SGCD: variants seen among roughly 807,000 people sequenced by gnomAD.
SGCD encodes the protein delta-sarcoglycan.
Under a neutral mutation model 36.6 loss-of-function variants are expected in SGCD, and 18 were observed. The observed-to-expected ratio is 0.49, with a 90% CI of 0.34 to 0.73. The LOEUF is 0.73. SGCD is among the 30% of genes least tolerant of loss of function. The probability of loss-of-function intolerance (pLI) is 0.01; values close to 1 mark genes in which losing one functional copy is unlikely to be tolerated. For synonymous variants in SGCD, 133 were observed against 130.6 expected (o/e 1.02, Z -0.12); for missense variants, 387 against 346.7 (o/e 1.12, Z -0.92).
intron 1 of SGCD, among the ~76,000 whole-genome samples, chr5:156,026,133 T>C (rs951274255): frequency 1.3e-5 from 2 of 152,226 alleles, no homozygotes; most frequent in Admixed American, 6.5e-5. Context: ...CTCAGGAAGA[T>C]AGAAATATGC....
intron 7 of SGCD, among the ~76,000 whole-genome samples, chr5:156,745,728 AT>A (rs1290812058): frequency 2.0e-5 from 3 of 152,204 alleles, no homozygotes; most frequent in South Asian, 2.1e-4. Context: ...ACATATAAAA[AT>A]AACACATTAG....
chr5:156,315,777 T>G (rs1002948119), intron 3 of SGCD, among the ~76,000 whole-genome samples: 1 of 151,990 alleles, frequency 6.6e-6, no homozygotes, highest in African/African-American at 2.4e-5. Context: ...GATAACTCAT[T>G]GTGCTTTTGG....
intron 1 of SGCD, among the ~76,000 whole-genome samples, chr5:155,877,266 G>A (rs1314291325): frequency 6.6e-6 from 1 of 152,070 alleles, no homozygotes; most frequent in African/African-American, 2.4e-5. Context: ...TAAGATGACG[G>A]TTTAGACTGA....
At chr5:156,734,678 T>C (rs11954233) in intron 7 of SGCD, among the ~76,000 whole-genome samples, 16,092 of 152,220 alleles carry the variant, frequency 0.11, 1,629 homozygotes, top group African/African-American at 0.27. Context: ...TATTGCATTA[T>C]AAAATTCTTG....
At chr5:156,266,919 C>T (rs13170433) in intron 3 of SGCD, among the ~76,000 whole-genome samples, 24,138 of 151,836 alleles carry the variant, frequency 0.16, 2,095 homozygotes, top group Admixed American at 0.21. Context: ...GGTCTCCGGA[C>T]GCTTTGAAAA....
At chr5:156,578,232 G>A (rs1760067591) in intron 4 of SGCD, among the ~76,000 whole-genome samples, 1 of 152,214 alleles carries the variant, frequency 6.6e-6, no homozygotes, top group South Asian at 2.1e-4. Flanking sequence ...ATTTGCATAT[G>A]TTGAACCAGC....
intron 5 of SGCD, 65 bp downstream of exon 5, chr5:156,589,383 G>T: frequency 2.3e-6 from 2 of 873,822 alleles, no homozygotes; most frequent in Non-Finnish European, 3.7e-6. Context: ...AGAATTAATG[G>T]TCAAAGGAAA....
chr5:155,964,736 A>G (rs1476189506), intron 1 of SGCD, among the ~76,000 whole-genome samples: 4 of 152,126 alleles, frequency 2.6e-5, no homozygotes, highest in Non-Finnish European at 5.9e-5. Flanking sequence ...TGACAGAGCT[A>G]AGATTGGCTA....
chr5:156,208,720 T>C (rs1341720122), intron 3 of SGCD, among the ~76,000 whole-genome samples: 1 of 152,236 alleles, frequency 6.6e-6, no homozygotes, highest in East Asian at 1.9e-4. Context: ...ATTGTCTTTG[T>C]GCTTATATTC....
intron 1 of SGCD, among the ~76,000 whole-genome samples, chr5:155,929,551 T>C (rs1757059997): frequency 6.6e-6 from 1 of 152,116 alleles, no homozygotes; most frequent in Admixed American, 6.6e-5. Flanking sequence ...GAGTAGCCTC[T>C]CTCACTAATC....
intron 3 of SGCD, among the ~76,000 whole-genome samples, chr5:156,131,579 A>G (rs116799281): frequency 6.6e-5 from 10 of 152,330 alleles, no homozygotes; most frequent in African/African-American, 2.4e-4. Flanking sequence ...ATGTGTGTCT[A>G]TGTATTCACT....
intron 3 of SGCD, among the ~76,000 whole-genome samples, chr5:156,201,384 A>G (rs74627007): frequency 0.015 from 2,234 of 152,272 alleles, 57 homozygotes; most frequent in African/African-American, 0.051. Context: ...TGCAAGCTGT[A>G]GCCCAGAACA....
intron 7 of SGCD, among the ~76,000 whole-genome samples, chr5:156,663,683 G>T (rs1276106706): frequency 2.9e-4 from 43 of 146,632 alleles, no homozygotes; most frequent in Non-Finnish European, 4.8e-4. Flanking sequence ...TAGTCCTACA[G>T]TCCCCTCAGG....
chr5:156,763,079 G>A lies in SGCD; in HGVS notation c.*3689G>A, dbSNP rs150680859. The A allele has an allele frequency of 7.2e-5, 11 of 152,774 alleles. No homozygotes were observed. Among genetic ancestry groups the A allele is most frequent in the Admixed American group, 2.0e-4 (3 of 15,304 alleles). The allele number at this position is 152,774 out of a possible 1,614,324, so 9.5% of individuals were successfully genotyped here. On this transcript the variant is annotated 3_prime_UTR_variant, in exon 9 of 9. Coordinates refer to ENST00000337851, the MANE Select transcript of SGCD (RefSeq NM_000337.6). ...AGGATGGGATTAGTGGAAGCTTAATGGAAAAGGAAAGTTATGATCCTCCAA... is the reference window on the plus strand; with the variant it reads ...AGGATGGGATTAGTGGAAGCTTAATAGAAAAGGAAAGTTATGATCCTCCAA...
At chr5:156,557,210 G>A (rs981818637) in intron 4 of SGCD, among the ~76,000 whole-genome samples, 7 of 152,144 alleles carry the variant, frequency 4.6e-5, no homozygotes, top group Non-Finnish European at 1.0e-4. Context: ...AACCGGCATA[G>A]TTACATCTGC....
chr5:156,152,936 C>T (rs1270922280), intron 3 of SGCD, among the ~76,000 whole-genome samples: 1 of 151,608 alleles, frequency 6.6e-6, no homozygotes, highest in African/African-American at 2.4e-5. Flanking sequence ...ATCTCTCTCC[C>T]TCTGGGTTAG....
rs942202767 is a variant in SGCD at position 156,273,814 on chromosome 5, A to T, written c.-43-55720A>T. Among the ~76,000 whole-genome samples the T allele has an allele frequency of 4.6e-4, 70 of 152,336 alleles. 1 individual carries two copies. The highest frequency in any genetic ancestry group is 1.6e-3 in the African/African-American group (68 of 41,572). ...AAAACGATGAACACTTTTTAAAAAA[A>T]GTCCTTGTAGCTAAAATTGGTAGCT... On this transcript the variant is annotated intron_variant, in intron 3 of 9. Transcript: ENST00000517913.
At chr5:155,892,017 C>T (rs563623236) in intron 1 of SGCD, among the ~76,000 whole-genome samples, 4 of 152,174 alleles carry the variant, frequency 2.6e-5, no homozygotes, top group African/African-American at 4.8e-5. Flanking sequence ...AAAGGTTAGT[C>T]GGCTCATTTT....
chr5:156,496,338 C>T (rs1363631264), intron 3 of SGCD, among the ~76,000 whole-genome samples: 1 of 152,052 alleles, frequency 6.6e-6, no homozygotes, highest in Non-Finnish European at 1.5e-5. Context: ...CAGAAACATC[C>T]CTTAAGGATG....
Sources: allele counts gnomAD v4.1 joint callset (sites outside exome capture counted in the v4.1 genomes callset), GRCh38; gene constraint gnomAD v4.1.1; transcripts MANE v1.5; gene names NCBI Gene and HGNC (gene_info 2026-07-23, HGNC 2026-07-21).